PI4KA: variants seen among roughly 807,000 people sequenced by gnomAD.
The protein encoded by PI4KA is PI4-kinase alpha.
PI4KA carries 122 observed loss-of-function variants against 271.4 expected under a neutral mutation model. The observed-to-expected ratio is 0.45, with a 90% CI of 0.39 to 0.52. PI4KA has a LOEUF of 0.52. Among genes scored for constraint, PI4KA ranks in the 20% least tolerant of loss-of-function variants. The pLI, the probability that PI4KA is intolerant of heterozygous loss-of-function variation, is 0.00. For missense variants in PI4KA, 1,969 were observed against 2,769.1 expected, an observed-to-expected ratio of 0.71 and a Z score of 6.48; for synonymous variants, 1,041 against 1,078.8, an observed-to-expected ratio of 0.96 and a Z score of 0.69.
chr22:20,780,776 A>C (rs924615546), intron 19 of PI4KA, among the ~76,000 whole-genome samples: 3 of 99,060 alleles, frequency 3.0e-5, no homozygotes, highest in South Asian at 5.7e-4. Flanking sequence ...ACTCCATCTC[A>C]AAAAAAAAAA....
At chr22:20,752,102 A>T (rs1930765903) in intron 25 of PI4KA, among the ~76,000 whole-genome samples, 1 of 152,198 alleles carries the variant, frequency 6.6e-6, no homozygotes. Flanking sequence ...CACATAATGG[A>T]GAAAACAACA....
intron 19 of PI4KA, among the ~76,000 whole-genome samples, chr22:20,788,342 G>A (rs1435771261): frequency 6.6e-6 from 1 of 152,218 alleles, no homozygotes; most frequent in African/African-American, 2.4e-5. Context: ...ACCAATACCA[G>A]TAAGAAGAGT....
chr22:20,761,264 A>C (rs766017075), intron 23 of PI4KA, 40 bp downstream of exon 23: 22 of 1,173,548 alleles, frequency 1.9e-5, no homozygotes, highest in Non-Finnish European at 2.8e-5. Context: ...ACCCTATTAA[A>C]GCTCAATTCA....
In PI4KA at chr22:20,721,680, T is replaced by C. The variant is rs552905178; in HGVS notation, c.4996-262A>G. On this transcript the variant is annotated intron_variant, in intron 42 of 54. Transcript: ENST00000255882. ...CCTTTGTCTCCTCTGTGTCTTCCCA[T>C]GGGTTTAAGAAGCACAACTCTCAAA... 9.5e-5 allele frequency: 42 copies of C among 440,772 alleles called. No individual in the cohort carries two copies. In the South Asian group the frequency reaches 1.3e-3, roughly 14 times the overall value. 27.3% of individuals were successfully genotyped at this position (440,772 alleles called of 1,614,324 possible). A position where few individuals can be genotyped will look rare whatever the true frequency, so the allele number is the denominator to read the frequency against.
chr22:20,720,750 T>G (rs1256118240), intron 43 of PI4KA, among the ~76,000 whole-genome samples: 1 of 152,226 alleles, frequency 6.6e-6, no homozygotes, highest in Non-Finnish European at 1.5e-5. Context: ...GCCACTCTTT[T>G]GGCTCATTTT....
chr22:20,822,812 GT>G, intron 4 of PI4KA, among the ~76,000 whole-genome samples: 1 of 152,292 alleles, frequency 6.6e-6, no homozygotes, highest in East Asian at 1.9e-4. Flanking sequence ...AATGAAGTTG[GT>G]GTGACATGAC....
At position 20,718,809 on chromosome 22, in the gene PI4KA, G is replaced by A. The variant is rs1926342571; in HGVS notation, c.5130C>T (p.Asp1710=). The A allele has an allele frequency of 1.2e-6, 2 of 1,613,844 alleles. No homozygotes were observed. Among genetic ancestry groups the A allele is most frequent in the Non-Finnish European group, 1.7e-6 (2 of 1,179,960 alleles). Residue 1710 remains aspartate (D), a synonymous_variant, in exon 44 of 55, where the codon GAC becomes GAT. Coordinates refer to ENST00000255882, the MANE Select transcript of PI4KA (RefSeq NM_058004.4). ...EGHQKDPDIG[D]LLDQLVEEIT... is the part of the protein sequence containing the mutation. ...TCTCCTCTACCAACTGATCCAGGAGGTCGCCGATGTCAGCTGCCAAGGAAG... is the reference window on the plus strand; with the variant it reads ...TCTCCTCTACCAACTGATCCAGGAGATCGCCGATGTCAGCTGCCAAGGAAG...
intron 1 of PI4KA, among the ~76,000 whole-genome samples, chr22:20,851,301 C>A (rs1009391191): frequency 1.3e-5 from 2 of 152,172 alleles, no homozygotes; most frequent in African/African-American, 2.4e-5. Context: ...ATGGTGCCAT[C>A]TTTTGCTTTC....
chr22:20,743,827 G>A (rs996592122), intron 30 of PI4KA, among the ~76,000 whole-genome samples: 16 of 152,122 alleles, frequency 1.1e-4, no homozygotes, highest in African/African-American at 3.6e-4. Flanking sequence ...GGCCGAGGCG[G>A]GCAGATCATG....
chr22:20,770,064 T>A (rs1349777569), intron 19 of PI4KA, among the ~76,000 whole-genome samples: 1 of 152,158 alleles, frequency 6.6e-6, no homozygotes, highest in Non-Finnish European at 1.5e-5. Flanking sequence ...ATATTTTTTT[T>A]AGAGACAGGG....
intron 8 of PI4KA, 92 bp from the exon 9 acceptor site, chr22:20,811,124 T>TTTTTCACCATGTGA: frequency 1.1e-6 from 1 of 906,410 alleles, no homozygotes; most frequent in Non-Finnish European, 1.9e-6. Context: ...CAAACTCACA[T>TTTTTCACCATGTGA]GGTGAAAAAT....
Position 20,834,680 on chromosome 22 carries a change from A to G in PI4KA, c.274-25T>C, listed in dbSNP as rs1924634378. ...GCTAAAAAATAATAAGAAGAATAAT[A>G]AATTAGATTTAATAAAATAAGTGAT... On this transcript the variant is annotated intron_variant, in intron 2 of 54. Transcript: ENST00000255882. 2.8e-6 allele frequency: 4 copies of G among 1,435,302 alleles called. No individual in the cohort carries two copies. The East Asian group carries it at 9.3e-5, about 33-fold the overall frequency. The allele number at this position is 1,435,302 out of a possible 1,614,324, so 88.9% of individuals were successfully genotyped here. A position where few individuals can be genotyped will look rare whatever the true frequency, so the allele number is the denominator to read the frequency against.
chr22:20,754,307 T>C (rs921770543), intron 23 of PI4KA, among the ~76,000 whole-genome samples: 1 of 151,434 alleles, frequency 6.6e-6, no homozygotes, highest in African/African-American at 2.4e-5. Flanking sequence ...CAGGCTGGTC[T>C]TGAACTCCTG....
In PI4KA at chr22:20,779,439, G is replaced by A. The variant is rs761487740; in HGVS notation, c.2329-13746C>T. ...TGCTCAGTCTGCAGATCCCCAGTGG[G>A]AGCAGTTAAATAACAAAAACCTGAG... On this transcript the variant is annotated intron_variant, in intron 19 of 54. Transcript: ENST00000255882. 1.9e-6 allele frequency: 3 copies of A among 1,614,200 alleles called. No individual in the cohort carries two copies. The Admixed American group carries it at 5.0e-5, about 27-fold the overall frequency.
At chr22:20,804,138 AGTGATGAACT>A (rs145126995) in intron 12 of PI4KA, among the ~76,000 whole-genome samples, 152 bp downstream of exon 12, 1 of 150,648 alleles carries the variant, frequency 6.6e-6, no homozygotes, top group African/African-American at 2.5e-5. Context: ...GCCCACACTC[AGTGATGAACT>A]GTGCACAGCA....
At chr22:20,741,453 CCT>C (rs1446428465) in intron 32 of PI4KA, among the ~76,000 whole-genome samples, 4 of 152,134 alleles carry the variant, frequency 2.6e-5, no homozygotes, top group Admixed American at 6.5e-5. Flanking sequence ...CAGGTGTCCC[CCT>C]GACTAGACAA....
In PI4KA at chr22:20,781,925, C is replaced by T. The variant is rs184476130; in HGVS notation, c.2328+11268G>A. On this transcript the variant is annotated intron_variant, in intron 19 of 54. Transcript: ENST00000255882. ...CACTCTGACAGGGCCGAGGGAAGAA[C>T]CATAAGCGATGGCAATGCAACAGAG... Among the ~76,000 whole-genome samples the T allele has an allele frequency of 2.5e-3, 375 of 152,296 alleles. 1 individual carries two copies. Among genetic ancestry groups the T allele is most frequent in the African/African-American group, 8.6e-3 (358 of 41,558 alleles).
chr22:20,711,943 C>T (rs1282912689), intron 50 of PI4KA, among the ~76,000 whole-genome samples: 1 of 151,842 alleles, frequency 6.6e-6, no homozygotes, highest in Non-Finnish European at 1.5e-5. Flanking sequence ...TGGGGTTTCA[C>T]CATGTTGGTC....
At chr22:20,720,983 C>T (rs771653025) in intron 43 of PI4KA, among the ~76,000 whole-genome samples, 2 of 152,224 alleles carry the variant, frequency 1.3e-5, no homozygotes, top group Admixed American at 6.5e-5. Flanking sequence ...CCTGGGCTGA[C>T]GGCCCCTTCC....
Sources: gnomAD v4.1 joint callset for allele counts (sites outside exome capture counted in the v4.1 genomes callset) on GRCh38, gnomAD v4.1.1 for gene constraint, MANE v1.5 for transcripts, NCBI Gene and HGNC (gene_info 2026-07-23, HGNC 2026-07-21) for gene names.